The following OR4C11 variants were observed in gnomAD, a reference collection of about 807,000 sequenced individuals.
OR4C11 encodes the protein olfactory receptor 4C11.
A neutral mutation model predicts 14.7 loss-of-function variants in OR4C11; 15 were observed. That is an observed-to-expected ratio of 1.02 (90% CI 0.68 to 1.58). The LOEUF (loss-of-function observed/expected upper bound fraction) is 1.58, where lower values mean the gene tolerates loss of function less well. Ranked by LOEUF, OR4C11 falls within the 40% of genes most tolerant of loss-of-function variation. The pLI is 0.00. For synonymous variants in OR4C11, 146 were observed against 135.0 expected, an observed-to-expected ratio of 1.08 and a Z score of -0.57; for missense variants, 473 against 383.0, an observed-to-expected ratio of 1.24 and a Z score of -1.96.
chr11:55,607,124 T>G (rs565581006), intron 1 of OR4C11, among the ~76,000 whole-genome samples, 163 bp downstream of exon 1: 1 of 138,480 alleles, frequency 7.2e-6, no homozygotes, highest in South Asian at 2.4e-4. Flanking sequence ...ATCATCACCT[T>G]CATGGAGCAC....
Position 55,603,648 on chromosome 11 carries a change from T to A in OR4C11, c.726A>T (p.Ile242=). ...KKALSACTSH[I]IVVILFFGPC... is the part of the protein sequence containing the mutation. Reference sequence around the variant, plus strand: ...GGCCAAAGAATAAGATGACTACAATTATGTGAGACGTGCAAGCGGAGAGAG... The same window carrying A: ...GGCCAAAGAATAAGATGACTACAATAATGTGAGACGTGCAAGCGGAGAGAG... The change falls in exon 4 of 4, where the codon ATA becomes ATT. Residue 242 remains isoleucine (I), a synonymous_variant. Coordinates refer to ENST00000641580, the MANE Select transcript of OR4C11 (RefSeq NM_001004700.3). The A allele has an allele frequency of 2.7e-6, 4 of 1,483,690 alleles. No homozygotes were observed. Among genetic ancestry groups the A allele is most frequent in the Non-Finnish European group, 3.7e-6 (4 of 1,089,708 alleles). 91.9% of individuals were successfully genotyped at this position (1,483,690 alleles called of 1,614,324 possible).
At position 55,607,221 on chromosome 11, in the gene OR4C11, C is replaced by A. The variant is rs1383468516; in HGVS notation, c.-365+66G>T. 3 of 138,340 alleles carry A rather than the reference C, an allele frequency of 2.2e-5. 1 individual carries two copies. Among genetic ancestry groups the A allele is most frequent in the African/African-American group, 7.5e-5 (3 of 39,910 alleles). 8.6% of individuals were successfully genotyped at this position (138,340 alleles called of 1,614,324 possible). A position where few individuals can be genotyped will look rare whatever the true frequency, so the allele number is the denominator to read the frequency against. Reference sequence around the variant, plus strand: ...CTTGCAGAGCAGAGCTACCCTTAGGCAGTTTGCCCAGAGTAGGCTGTTTCT... The same window carrying A: ...CTTGCAGAGCAGAGCTACCCTTAGGAAGTTTGCCCAGAGTAGGCTGTTTCT... On this transcript the variant is annotated intron_variant, in intron 1 of 3. Transcript: ENST00000641580.
intron 2 of OR4C11, among the ~76,000 whole-genome samples, chr11:55,605,785 A>G (rs1857952768): frequency 7.2e-6 from 1 of 138,736 alleles, no homozygotes; most frequent in South Asian, 2.3e-4. Flanking sequence ...AAGATGCTCA[A>G]TTTCTTTCAT....
At position 55,606,686 on chromosome 11, in the gene OR4C11, A is replaced by T. The variant is rs1393707879; in HGVS notation, c.-364-7T>A. On this transcript the variant is annotated splice_region_variant and splice_polypyrimidine_tract_variant and intron_variant, in intron 1 of 3. Coordinates refer to ENST00000641580, the MANE Select transcript of OR4C11 (RefSeq NM_001004700.3). ...AGTGTTGAAACTCAGGGCTCTGTAAATACAACATATGCAGACACACTGTCA... is the reference window on the plus strand; with the variant it reads ...AGTGTTGAAACTCAGGGCTCTGTAATTACAACATATGCAGACACACTGTCA... The T allele has an allele frequency of 2.2e-5, 3 of 138,248 alleles. No homozygotes were observed. The allele number at this position is 138,248 out of a possible 1,614,324, so 8.6% of individuals were successfully genotyped here.
intron 1 of OR4C11, among the ~76,000 whole-genome samples, chr11:55,607,027 C>T (rs1292763804): frequency 1.4e-5 from 2 of 138,070 alleles, no homozygotes; most frequent in African/African-American, 5.0e-5. Context: ...AAGAGAAATT[C>T]TTATAGATCC....
intron 3 of OR4C11, 54 bp downstream of exon 3, chr11:55,605,072 A>G (rs949283670): frequency 1.4e-5 from 2 of 138,554 alleles, no homozygotes; most frequent in Non-Finnish European, 3.2e-5. Context: ...ACAGTCCAAC[A>G]TGAGAATTAT....
chr11:55,607,614 T>G lies in OR4C11; in HGVS notation c.-692A>C, dbSNP rs1300493939. The G allele has an allele frequency of 1.4e-5, 2 of 138,540 alleles. No homozygotes were observed. Among genetic ancestry groups the G allele is most frequent in the East Asian group, 2.3e-4 (1 of 4,278 alleles). The allele number at this position is 138,540 out of a possible 1,614,324, so 8.6% of individuals were successfully genotyped here. ...TTTTAAAAGTGCTTATAAATTAATA[T>G]ATAACTATTCTGATACGAGGCTCTC... is the stretch of plus-strand genomic sequence containing the variant. On this transcript the variant is annotated 5_prime_UTR_variant, in exon 1 of 4. Coordinates refer to ENST00000641580, the MANE Select transcript of OR4C11 (RefSeq NM_001004700.3).
In OR4C11 at chr11:55,603,947, T is replaced by A; in HGVS notation, c.427A>T (p.Ile143Phe). ...AAAGACCCTATCCAGGCAAGAACAA[T>A]CAGGATGATGCAGACCTGCTGGCTC... is the stretch of plus-strand genomic sequence containing the variant. ...IMSQQVCIIL[I>F]VLAWIGSLIH... is the part of the protein sequence containing the mutation. Residue 143 changes from isoleucine to phenylalanine, a missense_variant, in exon 4 of 4, where the codon ATT becomes TTT. By Grantham distance (21) the Ile-to-Phe change is conservative. Transcript: ENST00000641580. The A allele has an allele frequency of 6.7e-7, 1 of 1,489,136 alleles. No homozygotes were observed. Among genetic ancestry groups the A allele is most frequent in the Non-Finnish European group, 9.1e-7 (1 of 1,095,528 alleles). 92.2% of individuals were successfully genotyped at this position (1,489,136 alleles called of 1,614,324 possible). A position where few individuals can be genotyped will look rare whatever the true frequency, so the allele number is the denominator to read the frequency against.
In OR4C11 at chr11:55,604,044, G is replaced by A; in HGVS notation, c.330C>T (p.Ile110=). 1.3e-6 allele frequency: 2 copies of A among 1,485,874 alleles called. No individual in the cohort carries two copies. Among genetic ancestry groups the A allele is most frequent in the South Asian group, 1.2e-5 (1 of 84,740 alleles). 92.0% of individuals were successfully genotyped at this position (1,485,874 alleles called of 1,614,324 possible). ...CAACAGCCATGAGAATGAGGACAAAGATCTCCATGCAGCCAAATAAATGTA... is the reference window on the plus strand; with the variant it reads ...CAACAGCCATGAGAATGAGGACAAAAATCTCCATGCAGCCAAATAAATGTA... ...FALHLFGCME[I]FVLILMAVDR... Residue 110 remains isoleucine (I), a synonymous_variant, in exon 4 of 4, where the codon ATC becomes ATT. Transcript: ENST00000641580.
chr11:55,604,785 C>T (rs1395610673), intron 3 of OR4C11, among the ~76,000 whole-genome samples: 1 of 137,542 alleles, frequency 7.3e-6, no homozygotes, highest in African/African-American at 2.5e-5. Context: ...AGCTTATAGC[C>T]AAGAATAATA....
chr11:55,606,308 C>T lies in OR4C11; in HGVS notation c.-207+214G>A, dbSNP rs1461314951. ...CTTAGAATTGTAACATTTTCCTTAA[C>T]ATCAGTACAATATATACTACACACA... On this transcript the variant is annotated intron_variant, in intron 2 of 3. Coordinates refer to ENST00000641580, the MANE Select transcript of OR4C11 (RefSeq NM_001004700.3). 1.5e-5 allele frequency among the ~76,000 whole-genome samples: 2 copies of T among 137,774 alleles called. 1 individual carries two copies. The highest frequency in any genetic ancestry group is 3.2e-5 in the Non-Finnish European group (2 of 62,062). The allele number at this position is 137,774 out of a possible 152,430, so 90.4% of individuals were successfully genotyped here.
chr11:55,603,320 A>C lies in OR4C11; in HGVS notation c.*121T>G. On this transcript the variant is annotated 3_prime_UTR_variant, in exon 4 of 4. Coordinates refer to ENST00000641580, the MANE Select transcript of OR4C11 (RefSeq NM_001004700.3). ...TGTTAACTAGAAAACATAGGAACCCACAAACTTAGATACGATGATATATTA... is the reference window on the plus strand; with the variant it reads ...TGTTAACTAGAAAACATAGGAACCCCCAAACTTAGATACGATGATATATTA... 1 of 545,020 alleles carries C rather than the reference A, an allele frequency of 1.8e-6. No homozygotes were observed. The highest frequency in any genetic ancestry group is 3.1e-6 in the Non-Finnish European group (1 of 325,940). The allele number at this position is 545,020 out of a possible 1,614,324, so 33.8% of individuals were successfully genotyped here.
In OR4C11 at chr11:55,603,460, A is replaced by G. The variant is rs546160334; in HGVS notation, c.914T>C (p.Ile305Thr). 1.2e-4 allele frequency: 169 copies of G among 1,429,532 alleles called. 36 individuals carry two copies. The South Asian group carries it at 2.1e-3, about 18-fold the overall frequency. 88.6% of individuals were successfully genotyped at this position (1,429,532 alleles called of 1,614,324 possible). The change falls in exon 4 of 4, where the codon ATT (isoleucine) becomes ACT (threonine). Residue 305 changes from isoleucine (I) to threonine (T), a missense_variant. By Grantham distance (89) the Ile-to-Thr change is moderately conservative (BLOSUM62 -1). Transcript: ENST00000641580. ...AMRKLWHGKI[I>T]SENKG is the part of the protein sequence containing the mutation. ...CTCAATTTATCCTTTGTTTTCTGAA[A>G]TAATTTTGCCATGCCATAACTTTCT...
At chr11:55,606,899 T>C (rs1857968915) in intron 1 of OR4C11, among the ~76,000 whole-genome samples, 2 of 139,006 alleles carry the variant, frequency 1.4e-5, no homozygotes, top group Admixed American at 7.8e-5. Flanking sequence ...CACATTTTTA[T>C]AGTACTATAC....
rs1857931294 is a variant in OR4C11, at chr11:55,604,250, G to A, written c.124C>T (p.Leu42Phe). ...FYMGTVVGNM[L>F]IIVTIKSSRT... ...CTGGACTTGATGGTCACAATAATGAGCATATTCCCCACCACAGTTCCCATA... is the reference window on the plus strand; with the variant it reads ...CTGGACTTGATGGTCACAATAATGAACATATTCCCCACCACAGTTCCCATA... Residue 42 changes from leucine (L) to phenylalanine (F), a missense_variant, in exon 4 of 4, where the codon CTC (leucine) becomes TTC (phenylalanine). Physicochemically the swap from Leu to Phe is conservative, Grantham distance 22. Coordinates refer to ENST00000641580, the MANE Select transcript of OR4C11 (RefSeq NM_001004700.3). The A allele has an allele frequency of 1.4e-6, 2 of 1,456,528 alleles. No homozygotes were observed. The allele number at this position is 1,456,528 out of a possible 1,614,324, so 90.2% of individuals were successfully genotyped here. A position where few individuals can be genotyped will look rare whatever the true frequency, so the allele number is the denominator to read the frequency against.
At position 55,602,467 on chromosome 11, in the gene OR4C11, C is replaced by T. The variant is rs1354043480; in HGVS notation, c.*974G>A. 3 of 137,988 alleles carry T rather than the reference C, an allele frequency of 2.2e-5. No homozygotes were observed. The highest frequency in any genetic ancestry group is 1.6e-5 in the Non-Finnish European group (1 of 62,108). 8.5% of individuals were successfully genotyped at this position (137,988 alleles called of 1,614,324 possible). A position where few individuals can be genotyped will look rare whatever the true frequency, so the allele number is the denominator to read the frequency against. ...TGCCGCTTTTTATCTGCTGTCCTCA[C>T]TCTGGGCATGAAAATTCCATTGCCA... is the stretch of plus-strand genomic sequence containing the variant. On this transcript the variant is annotated 3_prime_UTR_variant, in exon 4 of 4. Transcript: ENST00000641580.
chr11:55,605,921 C>T lies in OR4C11; in HGVS notation c.-207+601G>A, dbSNP rs566719941. ...AAGGTGTGGGAAACCGTCAACCCTACAAACTTTTGGTGGGAATGTAAGTGG... is the reference window on the plus strand; with the variant it reads ...AAGGTGTGGGAAACCGTCAACCCTATAAACTTTTGGTGGGAATGTAAGTGG... On this transcript the variant is annotated intron_variant, in intron 2 of 3. Transcript: ENST00000641580. 6.6e-4 allele frequency among the ~76,000 whole-genome samples: 92 copies of T among 138,752 alleles called. 11 individuals are homozygous for T. Among genetic ancestry groups the T allele is most frequent in the African/African-American group, 2.3e-3 (92 of 40,116 alleles). 91.0% of individuals were successfully genotyped at this position (138,752 alleles called of 152,430 possible).
chr11:55,604,255 T>C lies in OR4C11; in HGVS notation c.119A>G (p.Asn40Ser). ...CTTGATGGTCACAATAATGAGCATATTCCCCACCACAGTTCCCATATAGAA... is the reference window on the plus strand; with the variant it reads ...CTTGATGGTCACAATAATGAGCATACTCCCCACCACAGTTCCCATATAGAA... ...LIFYMGTVVGNMLIIVTIKSS... is the reference protein window; with the variant it reads ...LIFYMGTVVGSMLIIVTIKSS... The change falls in exon 4 of 4, where the codon AAT (asparagine) becomes AGT (serine). Residue 40 changes from asparagine (N) to serine (S), a missense_variant. Transcript: ENST00000641580. 6.9e-7 allele frequency: 1 copy of C among 1,452,646 alleles called. No individual in the cohort carries two copies. Among genetic ancestry groups the C allele is most frequent in the Non-Finnish European group, 9.4e-7 (1 of 1,061,474 alleles). 90.0% of individuals were successfully genotyped at this position (1,452,646 alleles called of 1,614,324 possible). A position where few individuals can be genotyped will look rare whatever the true frequency, so the allele number is the denominator to read the frequency against.
Position 55,603,223 on chromosome 11 carries a change from G to T in OR4C11, c.*218C>A, listed in dbSNP as rs563829232. The T allele has an allele frequency of 9.3e-5, 35 of 377,950 alleles. 2 individuals carry two copies. The highest frequency in any genetic ancestry group is 5.6e-4 in the African/African-American group (27 of 48,618). The allele number at this position is 377,950 out of a possible 1,614,324, so 23.4% of individuals were successfully genotyped here. Reference sequence around the variant, plus strand: ...TCTGAAAAGAAAAGACTACTGGTAGGTAATCACCTGAATTAATCTATATTC... The same window carrying T: ...TCTGAAAAGAAAAGACTACTGGTAGTTAATCACCTGAATTAATCTATATTC... On this transcript the variant is annotated 3_prime_UTR_variant, in exon 4 of 4. Transcript: ENST00000641580.
Sources: allele counts gnomAD v4.1 joint callset (sites outside exome capture counted in the v4.1 genomes callset), GRCh38; gene constraint gnomAD v4.1.1; transcripts MANE v1.5; gene names NCBI Gene and HGNC (gene_info 2026-07-23, HGNC 2026-07-21).